Variants in PLXDC2 observed in about 807,000 individuals in gnomAD.
PLXDC2 encodes the protein plexin domain containing 2, also known as plexin domain-containing protein 2.
PLXDC2 carries 40 observed loss-of-function variants against 68.9 expected under a neutral mutation model. The ratio of observed to expected loss-of-function variants is 0.58; its 90% CI spans 0.45 to 0.76. The LOEUF (loss-of-function observed/expected upper bound fraction) is 0.76. Ranked by LOEUF, PLXDC2 falls within the 30% of genes least tolerant of loss-of-function variation. PLXDC2 has a pLI of 0.00. For missense variants in PLXDC2, 644 were observed against 661.9 expected (o/e 0.97, Z 0.30); for synonymous variants, 243 against 234.2 (o/e 1.04, Z -0.34).
intron 6 of PLXDC2, among the ~76,000 whole-genome samples, chr10:20,158,148 G>A (rs957533361): frequency 6.6e-6 from 1 of 151,906 alleles, no homozygotes; most frequent in Non-Finnish European, 1.5e-5. Context: ...GATGACTCAC[G>A]AGACATTTTG....
chr10:19,867,662 G>C (rs542742688), intron 1 of PLXDC2, among the ~76,000 whole-genome samples: 1 of 152,166 alleles, frequency 6.6e-6, no homozygotes, highest in East Asian at 1.9e-4. Context: ...CGTGTGGCAG[G>C]CTTCTAGAGG....
intron 1 of PLXDC2, among the ~76,000 whole-genome samples, chr10:19,966,259 ATGTG>A (rs1475343155): frequency 1.3e-5 from 2 of 148,334 alleles, no homozygotes; most frequent in Admixed American, 6.8e-5. Flanking sequence ...TGTATATAGT[ATGTG>A]TAAGTACACA....
At chr10:20,212,801 G>A (rs12572697) in intron 10 of PLXDC2, among the ~76,000 whole-genome samples, 18,865 of 152,062 alleles carry the variant, frequency 0.12, 1,539 homozygotes, top group East Asian at 0.32. Context: ...AGCAGTGTGT[G>A]CTCATCCGTC....
chr10:20,037,498 C>G (rs1835599105), intron 2 of PLXDC2, among the ~76,000 whole-genome samples: 1 of 152,116 alleles, frequency 6.6e-6, no homozygotes, highest in Non-Finnish European at 1.5e-5. Flanking sequence ...TCCTAATGCT[C>G]TATCTCATCA....
chr10:20,121,202 T>C (rs538957384), intron 4 of PLXDC2, among the ~76,000 whole-genome samples: 14 of 152,144 alleles, frequency 9.2e-5, no homozygotes, highest in Non-Finnish European at 2.1e-4. Flanking sequence ...AAGTTGAGCA[T>C]AGTTTGTGAC....
intron 1 of PLXDC2, among the ~76,000 whole-genome samples, chr10:19,846,832 G>C (rs932064178): frequency 1.3e-5 from 2 of 152,136 alleles, no homozygotes; most frequent in East Asian, 1.9e-4. Flanking sequence ...AGATACACCA[G>C]AGACTGGGTA....
At chr10:20,012,796 A>T (rs34986110) in intron 2 of PLXDC2, among the ~76,000 whole-genome samples, 3 of 152,086 alleles carry the variant, frequency 2.0e-5, no homozygotes, top group Admixed American at 6.5e-5. Flanking sequence ...AGACTGCCTT[A>T]GTTTTCTTTT....
intron 1 of PLXDC2, among the ~76,000 whole-genome samples, chr10:19,930,697 C>T (rs1833613147): frequency 3.3e-5 from 5 of 152,112 alleles, no homozygotes; most frequent in Admixed American, 3.3e-4. Context: ...CACGGTGGCT[C>T]ACACCTGTAA....
intron 13 of PLXDC2, among the ~76,000 whole-genome samples, chr10:20,265,371 A>G (rs1376026308): frequency 6.6e-6 from 1 of 152,188 alleles, no homozygotes; most frequent in Non-Finnish European, 1.5e-5. Context: ...TCCTTTATGC[A>G]TTTGAAGGTA....
At chr10:20,086,572 C>T (rs758074835) in intron 4 of PLXDC2, among the ~76,000 whole-genome samples, 50 of 152,200 alleles carry the variant, frequency 3.3e-4, no homozygotes, top group Non-Finnish European at 5.3e-4. Flanking sequence ...CATGGGTTTA[C>T]GGGCGCCTCT....
intron 4 of PLXDC2, among the ~76,000 whole-genome samples, chr10:20,104,564 G>A (rs1240823338): frequency 6.6e-6 from 1 of 152,138 alleles, no homozygotes; most frequent in African/African-American, 2.4e-5. Context: ...ACTCTTTACT[G>A]CAGCAGCTAG....
At chr10:19,991,516 A>G (rs374885616) in intron 1 of PLXDC2, among the ~76,000 whole-genome samples, 6 of 152,268 alleles carry the variant, frequency 3.9e-5, no homozygotes, top group African/African-American at 1.2e-4. Context: ...GAACTGGGTA[A>G]GTTGATGATA....
chr10:20,029,580 A>G, intron 2 of PLXDC2, among the ~76,000 whole-genome samples: 1 of 151,246 alleles, frequency 6.6e-6, no homozygotes, highest in Middle Eastern at 3.2e-3. Context: ...ACAGAACCAA[A>G]AAAATAAAAA....
At chr10:20,211,832 T>G (rs1835074085) in intron 10 of PLXDC2, 103 bp downstream of exon 10, 1 of 1,084,880 alleles carries the variant, frequency 9.2e-7, no homozygotes, top group Non-Finnish European at 1.3e-6. Context: ...TAAAACTTAA[T>G]GAAAGGAGAA....
At chr10:20,060,549 C>G (rs919113877) in intron 3 of PLXDC2, among the ~76,000 whole-genome samples, 1 of 150,944 alleles carries the variant, frequency 6.6e-6, no homozygotes, top group Non-Finnish European at 1.5e-5. Context: ...GAGCAGGGGC[C>G]CCCTGTTGTG....
At chr10:19,840,792 G>A (rs1229483678) in intron 1 of PLXDC2, among the ~76,000 whole-genome samples, 1 of 152,026 alleles carries the variant, frequency 6.6e-6, no homozygotes, top group Non-Finnish European at 1.5e-5. Flanking sequence ...AAGAGAATTT[G>A]GTAAGGAGTG....
At chr10:19,848,985 T>C (rs1837064776) in intron 1 of PLXDC2, among the ~76,000 whole-genome samples, 1 of 152,216 alleles carries the variant, frequency 6.6e-6, no homozygotes, top group Admixed American at 6.5e-5. Context: ...CCTGTTAATG[T>C]CCTATTAATA....
At chr10:19,937,559 T>TATATATATATATAC (rs1373006313) in intron 1 of PLXDC2, among the ~76,000 whole-genome samples, 7 of 86,844 alleles carry the variant, frequency 8.1e-5, no homozygotes, top group Admixed American at 3.5e-4. Flanking sequence ...TATATATATA[T>TATATATATATATAC]ATATATATAT....
intron 4 of PLXDC2, among the ~76,000 whole-genome samples, chr10:20,075,828 G>A (rs1027866718): frequency 6.6e-6 from 1 of 152,102 alleles, no homozygotes; most frequent in Non-Finnish European, 1.5e-5. Context: ...CAAGGGTGTG[G>A]GTGAAAAACA....
Sources: allele counts gnomAD v4.1 joint callset (sites outside exome capture counted in the v4.1 genomes callset), GRCh38; gene constraint gnomAD v4.1.1; transcripts MANE v1.5; gene names NCBI Gene and HGNC (gene_info 2026-07-23, HGNC 2026-07-21).